The following ZFYVE28 variants were observed in gnomAD, a reference collection of about 807,000 sequenced individuals.
The protein encoded by ZFYVE28 is lateral signaling target protein 2 homolog.
A neutral mutation model predicts 82.1 loss-of-function variants in ZFYVE28; 40 were observed. That is an observed-to-expected ratio of 0.49 (90% CI 0.38 to 0.63). The LOEUF is 0.63. Ranked by LOEUF, ZFYVE28 falls within the 30% of genes least tolerant of loss-of-function variation. The pLI is 0.00. For synonymous variants in ZFYVE28, 612 were observed against 546.1 expected, an observed-to-expected ratio of 1.12 and a Z score of -1.68; for missense variants, 1,321 against 1,242.1, an observed-to-expected ratio of 1.06 and a Z score of -0.96.
intron 8 of ZFYVE28, among the ~76,000 whole-genome samples, chr4:2,279,065 A>C (rs1207091329): frequency 6.6e-6 from 1 of 152,202 alleles, no homozygotes; most frequent in African/African-American, 2.4e-5. Flanking sequence ...AAACAGTTGA[A>C]TGGATAGACA....
At chr4:2,311,280 C>A (rs952442203) in intron 7 of ZFYVE28, among the ~76,000 whole-genome samples, 1 of 152,154 alleles carries the variant, frequency 6.6e-6, no homozygotes, top group Admixed American at 6.5e-5. Context: ...AATCCCAGCA[C>A]TTTGGGAGGC....
At chr4:2,308,521 AG>A (rs1716917397) in intron 7 of ZFYVE28, among the ~76,000 whole-genome samples, 1 of 16,176 alleles carries the variant, frequency 6.2e-5, no homozygotes, top group Non-Finnish European at 1.1e-4. Context: ...GGAGGGAGGG[AG>A]GGGAGGGGAG....
intron 1 of ZFYVE28, among the ~76,000 whole-genome samples, chr4:2,407,844 G>A (rs1278209276): frequency 2.0e-5 from 3 of 152,124 alleles, no homozygotes; most frequent in Admixed American, 1.3e-4. Context: ...CCTCGGCTTC[G>A]CAAAGTGCTG....
intron 1 of ZFYVE28, among the ~76,000 whole-genome samples, chr4:2,356,251 G>T (rs1442482575): frequency 6.6e-6 from 1 of 152,214 alleles, no homozygotes; most frequent in Non-Finnish European, 1.5e-5. Context: ...GACCTGGGCA[G>T]CCAATGGGAA....
intron 4 of ZFYVE28, 129 bp from the exon 5 acceptor site, chr4:2,337,625 T>G: frequency 1.5e-6 from 1 of 671,618 alleles, no homozygotes; most frequent in East Asian, 3.0e-5. Flanking sequence ...CTCACGCCTG[T>G]AATCCCAGCA....
At chr4:2,311,076 T>C (rs1360267159) in intron 7 of ZFYVE28, among the ~76,000 whole-genome samples, 1 of 152,240 alleles carries the variant, frequency 6.6e-6, no homozygotes, top group Non-Finnish European at 1.5e-5. Context: ...TTTAGTGATA[T>C]AAAGTTGTTT....
At chr4:2,288,823 A>T (rs1352507802) in intron 8 of ZFYVE28, among the ~76,000 whole-genome samples, 1 of 151,518 alleles carries the variant, frequency 6.6e-6, no homozygotes, top group Non-Finnish European at 1.5e-5. Flanking sequence ...ACTAAAAGTT[A>T]AAAAAAAAGA....
At chr4:2,370,168 C>T (rs1727378255) in intron 1 of ZFYVE28, among the ~76,000 whole-genome samples, 1 of 152,004 alleles carries the variant, frequency 6.6e-6, no homozygotes, top group South Asian at 2.1e-4. Context: ...GTTTTAAGCA[C>T]CCCACTGTGT....
At chr4:2,337,578 T>G in intron 4 of ZFYVE28, 82 bp from the exon 5 acceptor site, 2 of 1,106,906 alleles carry the variant, frequency 1.8e-6, no homozygotes, top group South Asian at 1.7e-5. Flanking sequence ...CATCTTCAAT[T>G]AAAGCTGCAA....
At position 2,304,107 on chromosome 4, in the gene ZFYVE28, C is replaced by G. The variant is rs373045760; in HGVS notation, c.2051+182G>C. ...ATGACGCCCCACAGGGCAGGTGCCT[C>G]TGCAGCCAGCTCCTGCCCCTGCCCC... On this transcript the variant is annotated intron_variant, in intron 8 of 12. Transcript: ENST00000290974. Among the ~76,000 whole-genome samples, 92 of 152,372 alleles carry G rather than the reference C, an allele frequency of 6.0e-4. 2 individuals carry two copies. The South Asian group carries it at 0.018, about 30-fold the overall frequency.
intron 7 of ZFYVE28, among the ~76,000 whole-genome samples, chr4:2,315,621 T>C (rs887907564): frequency 2.0e-5 from 3 of 152,330 alleles, no homozygotes; most frequent in South Asian, 2.1e-4. Context: ...TCAGCTTCCA[T>C]TGTTTCTGTT....
rs1186107991 is a variant in ZFYVE28, at chr4:2,300,388, TGA to T, written c.2051+3899_2051+3900del. On this transcript the variant is annotated intron_variant, in intron 8 of 12. Transcript: ENST00000290974. This position sits in a 1 kb window ranked among gnomAD's most constrained non-coding sequence, Gnocchi z 4.6. ...TTCTCCAAAAGGATTCATTGACCAC[TGA>T]GAAGGTCGGAAAGAAGCCAGTAAAA... 1.3e-5 allele frequency among the ~76,000 whole-genome samples: 2 copies of T among 152,186 alleles called. No individual in the cohort carries two copies. The highest frequency in any genetic ancestry group is 6.5e-5 in the Admixed American group (1 of 15,280).
intron 1 of ZFYVE28, among the ~76,000 whole-genome samples, chr4:2,392,536 T>C (rs1011486490): frequency 2.0e-5 from 3 of 152,188 alleles, no homozygotes; most frequent in Non-Finnish European, 2.9e-5. Context: ...TTAAAGCCAG[T>C]GTCTGCAAGC....
Position 2,337,417 on chromosome 4 carries a change from T to A in ZFYVE28, c.601A>T (p.Thr201Ser). 1.2e-6 allele frequency: 2 copies of A among 1,606,278 alleles called. No homozygotes were observed. The highest frequency in any genetic ancestry group is 1.7e-6 in the Non-Finnish European group (2 of 1,175,984). ...QQEVIVLFCE[T>S]VERALDFGYL... ...CATCCCTGTGCTCACCTCTCCACCG[T>A]CTCGCAGAAGAGCACGATGACCTCC... The change falls in exon 5 of 13, where the codon ACG (threonine) becomes TCG (serine). Residue 201 changes from threonine (T) to serine (S), a missense_variant. Thr to Ser is a moderately conservative substitution (Grantham distance 58). This residue lies in a region of ZFYVE28 where 343 missense variants were observed against 408.4 expected (regional missense o/e 0.84). Transcript: ENST00000290974.
chr4:2,321,013 C>T (rs979198309), intron 6 of ZFYVE28, among the ~76,000 whole-genome samples: 2 of 152,196 alleles, frequency 1.3e-5, no homozygotes, highest in South Asian at 4.2e-4. Context: ...TCCGAGTGTG[C>T]CTTGATCATC....
chr4:2,306,883 C>G (rs1275464331), intron 7 of ZFYVE28: 1 of 152,234 alleles, frequency 6.6e-6, no homozygotes, highest in Non-Finnish European at 1.5e-5. Flanking sequence ...ATCTGTTACA[C>G]CCGACAGGTT....
intron 7 of ZFYVE28, among the ~76,000 whole-genome samples, chr4:2,308,670 A>AAAGG (rs1491068955): frequency 8.9e-6 from 1 of 112,656 alleles, no homozygotes; most frequent in Non-Finnish European, 1.9e-5. Context: ...AGAAAGAAAG[A>AAAGG]AAGAAAGAGA....
intron 8 of ZFYVE28, among the ~76,000 whole-genome samples, chr4:2,298,394 C>T (rs957860305): frequency 6.6e-6 from 1 of 152,200 alleles, no homozygotes; most frequent in Non-Finnish European, 1.5e-5. Context: ...AGTCGGTTCA[C>T]CAGGCACTGC....
At chr4:2,351,733 A>G (rs111391599) in intron 2 of ZFYVE28, among the ~76,000 whole-genome samples, 1,989 of 152,238 alleles carry the variant, frequency 0.013, 44 homozygotes, top group African/African-American at 0.045. Context: ...CAGTCCCACA[A>G]GACGGCGCCC....
Sources: gnomAD v4.1 joint callset for allele counts (sites outside exome capture counted in the v4.1 genomes callset) on GRCh38, gnomAD v4.1.1 for gene constraint, gnomAD v4.1.1 regional missense constraint, Gnocchi (gnomAD v3.1) non-coding constraint, MANE v1.5 for transcripts, NCBI Gene and HGNC (gene_info 2026-07-23, HGNC 2026-07-21) for gene names.